NKAIN2: variants seen among roughly 807,000 people sequenced by gnomAD.
The protein encoded by NKAIN2 is sodium/potassium transporting ATPase interacting 2.
Under a neutral mutation model 32.6 loss-of-function variants are expected in NKAIN2, and 14 were observed. The ratio of observed to expected loss-of-function variants is 0.43; its 90% CI spans 0.28 to 0.67. The LOEUF is 0.67. Among genes scored for constraint, NKAIN2 ranks in the 30% least tolerant of loss-of-function variants. NKAIN2 has a pLI of 0.17. For synonymous variants in NKAIN2, 80 were observed against 87.2 expected (o/e 0.92, Z 0.46); for missense variants, 198 against 258.3 (o/e 0.77, Z 1.60).
At chr6:124,248,262 G>T in intron 1 of NKAIN2, among the ~76,000 whole-genome samples, 1 of 152,036 alleles carries the variant, frequency 6.6e-6, no homozygotes, top group East Asian at 1.9e-4. Context: ...GAAATGGAAT[G>T]ATCATAAAAT....
intron 3 of NKAIN2, among the ~76,000 whole-genome samples, chr6:124,568,263 C>T (rs560485998): frequency 6.6e-6 from 1 of 152,266 alleles, no homozygotes; most frequent in South Asian, 2.1e-4. Context: ...TTCAATCTCC[C>T]ATATCATTAT....
chr6:124,740,462 G>GTGTGTGTGTC, intron 4 of NKAIN2, among the ~76,000 whole-genome samples: 1 of 150,880 alleles, frequency 6.6e-6, no homozygotes, highest in African/African-American at 2.4e-5. Flanking sequence ...GTGTGTGTGT[G>GTGTGTGTGTC]TGTGTGTGTG....
chr6:124,446,901 A>G (rs1387551520), intron 3 of NKAIN2, among the ~76,000 whole-genome samples: 3 of 152,094 alleles, frequency 2.0e-5, no homozygotes, highest in African/African-American at 7.2e-5. Context: ...CATTATGATG[A>G]TGGTGGTGGG....
chr6:124,740,423 C>CATAT (rs531209062), intron 4 of NKAIN2, among the ~76,000 whole-genome samples: 1 of 139,040 alleles, frequency 7.2e-6, no homozygotes, highest in Non-Finnish European at 1.5e-5. Flanking sequence ...AGAAGATTAA[C>CATAT]ATATATATAT....
At chr6:124,664,222 C>T (rs1450703172) in intron 4 of NKAIN2, among the ~76,000 whole-genome samples, 2 of 151,456 alleles carry the variant, frequency 1.3e-5, no homozygotes, top group Non-Finnish European at 2.9e-5. Flanking sequence ...TTGCAGTGAT[C>T]TGAGATCATA....
At chr6:124,806,965 A>C (rs922779004) in intron 5 of NKAIN2, among the ~76,000 whole-genome samples, 18 of 152,326 alleles carry the variant, frequency 1.2e-4, no homozygotes, top group African/African-American at 3.8e-4. Context: ...TGCATCCAAT[A>C]CAGGAGGACC....
intron 3 of NKAIN2, among the ~76,000 whole-genome samples, chr6:124,464,897 C>A (rs1322911522): frequency 6.6e-6 from 1 of 151,274 alleles, no homozygotes; most frequent in African/African-American, 2.4e-5. Flanking sequence ...TTTTCTAATT[C>A]TGTGAAGAAA....
At chr6:124,814,546 T>G (rs1178689428) in intron 5 of NKAIN2, among the ~76,000 whole-genome samples, 5 of 152,150 alleles carry the variant, frequency 3.3e-5, no homozygotes, top group Non-Finnish European at 7.3e-5. Flanking sequence ...ATCAGAGCTT[T>G]AGTGCCGTCC....
intron 1 of NKAIN2, among the ~76,000 whole-genome samples, chr6:124,073,728 C>T (rs1015978635): frequency 3.3e-5 from 5 of 152,052 alleles, no homozygotes; most frequent in Admixed American, 3.3e-4. Flanking sequence ...ACCTCATGGC[C>T]ATAGGAGCCC....
chr6:124,798,675 G>A (rs746787018), intron 5 of NKAIN2, among the ~76,000 whole-genome samples: 9 of 152,210 alleles, frequency 5.9e-5, no homozygotes, highest in Non-Finnish European at 8.8e-5. Context: ...CTTATGATTT[G>A]TTTTGAACTA....
At chr6:124,446,281 T>A (rs1205452888) in intron 3 of NKAIN2, among the ~76,000 whole-genome samples, 2 of 152,114 alleles carry the variant, frequency 1.3e-5, no homozygotes, top group African/African-American at 2.4e-5. Flanking sequence ...CACTTTGAAA[T>A]GGGTAAAGCT....
chr6:124,564,813 A>G (rs1780841753), intron 3 of NKAIN2, among the ~76,000 whole-genome samples: 1 of 152,230 alleles, frequency 6.6e-6, no homozygotes, highest in Non-Finnish European at 1.5e-5. Context: ...TGTGTTTATT[A>G]TCAGCAAAAT....
At chr6:124,397,718 G>A (rs553518520) in intron 3 of NKAIN2, among the ~76,000 whole-genome samples, 4 of 152,182 alleles carry the variant, frequency 2.6e-5, no homozygotes, top group African/African-American at 4.8e-5. Flanking sequence ...CATATAACAA[G>A]CATGTCAGGT....
intron 3 of NKAIN2, among the ~76,000 whole-genome samples, chr6:124,406,640 T>A (rs928061957): frequency 5.9e-5 from 9 of 152,120 alleles, no homozygotes; most frequent in African/African-American, 2.2e-4. Flanking sequence ...GTATGTTTAA[T>A]TTTTAGCAAA....
At chr6:124,227,384 C>A (rs912833419) in intron 1 of NKAIN2, among the ~76,000 whole-genome samples, 2 of 152,144 alleles carry the variant, frequency 1.3e-5, no homozygotes, top group Non-Finnish European at 2.9e-5. Flanking sequence ...CAAAACTCTT[C>A]TAATATTGAA....
At chr6:124,239,203 T>C (rs1030644639) in intron 1 of NKAIN2, among the ~76,000 whole-genome samples, 6 of 152,306 alleles carry the variant, frequency 3.9e-5, no homozygotes, top group South Asian at 2.1e-4. Flanking sequence ...AAGAGCGAAC[T>C]ATCATAAATA....
intron 3 of NKAIN2, among the ~76,000 whole-genome samples, chr6:124,613,335 T>C (rs1782764326): frequency 6.6e-6 from 1 of 152,158 alleles, no homozygotes; most frequent in Non-Finnish European, 1.5e-5. Flanking sequence ...CCGACCATAA[T>C]CTAGCCTTTC....
chr6:124,263,531 C>T (rs564118058), intron 1 of NKAIN2, among the ~76,000 whole-genome samples: 15 of 152,278 alleles, frequency 9.9e-5, no homozygotes, highest in African/African-American at 2.9e-4. Flanking sequence ...ACTCTGTAGA[C>T]TCTTAGTTTC....
chr6:124,030,436 G>A (rs1001321234), intron 1 of NKAIN2, among the ~76,000 whole-genome samples: 6 of 152,128 alleles, frequency 3.9e-5, no homozygotes, highest in Admixed American at 2.0e-4. Context: ...TGGCTATCCC[G>A]TCATTTCCAC....
Sources: gnomAD v4.1 joint callset for allele counts (sites outside exome capture counted in the v4.1 genomes callset) on GRCh38, gnomAD v4.1.1 for gene constraint, MANE v1.5 for transcripts, NCBI Gene and HGNC (gene_info 2026-07-23, HGNC 2026-07-21) for gene names.